Variants in MTUS2 observed in about 807,000 individuals in gnomAD.
The protein encoded by MTUS2 is microtubule-associated tumor suppressor candidate 2.
In MTUS2, 40 loss-of-function variants were observed where a neutral mutation model predicts 114.1. The observed-to-expected ratio is 0.35, with a 90% CI of 0.27 to 0.46. The LOEUF is 0.46. Ranked by LOEUF, MTUS2 falls within the 20% of genes least tolerant of loss-of-function variation. The pLI is 1.00. For synonymous variants in MTUS2, 688 were observed against 672.0 expected (o/e 1.02, Z -0.37); for missense variants, 1,679 against 1,705.4 (o/e 0.98, Z 0.27).
rs567286335 is a variant in MTUS2 at position 28,870,585 on chromosome 13, T to C, written c.-243+30735T>C. Among the ~76,000 whole-genome samples, 83 of 152,342 alleles carry C rather than the reference T, an allele frequency of 5.4e-4. 1 individual carries two copies. Among genetic ancestry groups the C allele is most frequent in the Non-Finnish European group, 1.8e-4 (12 of 68,034 alleles). ...TTGATTAGTTGATAATTATTTTGTTTGATTAAATTTGCAGTTGATCAGGTG... is the reference window on the plus strand; with the variant it reads ...TTGATTAGTTGATAATTATTTTGTTCGATTAAATTTGCAGTTGATCAGGTG... On this transcript the variant is annotated intron_variant, in intron 2 of 15. Transcript: ENST00000612955.
chr13:29,317,729 C>T (rs9506137), intron 6 of MTUS2, among the ~76,000 whole-genome samples: 22,843 of 146,614 alleles, frequency 0.16, 10,577 homozygotes, highest in Non-Finnish European at 0.24. Flanking sequence ...TGAGCCACCG[C>T]GCCCGGCCTC....
At chr13:28,883,496 A>C (rs1037675163) in intron 2 of MTUS2, among the ~76,000 whole-genome samples, 1 of 152,250 alleles carries the variant, frequency 6.6e-6, no homozygotes, top group African/African-American at 2.4e-5. Flanking sequence ...TACATGCAGC[A>C]ACTTGGATGG....
intron 8 of MTUS2, among the ~76,000 whole-genome samples, chr13:29,390,779 GA>G (rs1873384132): frequency 6.6e-6 from 1 of 150,540 alleles, no homozygotes; most frequent in Non-Finnish European, 1.5e-5. Flanking sequence ...TGATGATGAT[GA>G]TGATGATGAT....
chr13:29,308,356 C>T (rs1307431464), intron 6 of MTUS2, among the ~76,000 whole-genome samples: 1 of 152,070 alleles, frequency 6.6e-6, no homozygotes, highest in Non-Finnish European at 1.5e-5. Flanking sequence ...TAGCCATATG[C>T]AGAAAAACGA....
intron 5 of MTUS2, among the ~76,000 whole-genome samples, chr13:29,264,150 A>G (rs1036301596): frequency 3.9e-5 from 6 of 152,222 alleles, no homozygotes; most frequent in African/African-American, 9.6e-5. Context: ...GAAAGGGGCA[A>G]TAGGCCCCAC....
intron 9 of MTUS2, among the ~76,000 whole-genome samples, chr13:29,452,719 C>T (rs1381950012): frequency 2.6e-5 from 4 of 151,946 alleles, no homozygotes; most frequent in African/African-American, 9.7e-5. Context: ...GCTGGGATTA[C>T]AGATGTGAGC....
chr13:29,142,877 G>T (rs1341954998), intron 5 of MTUS2, among the ~76,000 whole-genome samples: 1 of 152,162 alleles, frequency 6.6e-6, no homozygotes, highest in Non-Finnish European at 1.5e-5. Context: ...ACTTGAAGGG[G>T]CAACATGTAC....
At chr13:28,959,851 T>A (rs1325744194) in intron 2 of MTUS2, among the ~76,000 whole-genome samples, 3 of 152,214 alleles carry the variant, frequency 2.0e-5, no homozygotes, top group African/African-American at 7.2e-5. Flanking sequence ...GTCCAAACCG[T>A]ATCACACCAC....
At chr13:28,896,781 G>T (rs2137938938) in intron 2 of MTUS2, among the ~76,000 whole-genome samples, 1 of 152,274 alleles carries the variant, frequency 6.6e-6, no homozygotes, top group South Asian at 2.1e-4. Context: ...TGACAAACCT[G>T]ACAAAAACAA....
chr13:29,117,620 G>A (rs1250417505), intron 5 of MTUS2, among the ~76,000 whole-genome samples: 2 of 152,154 alleles, frequency 1.3e-5, no homozygotes, highest in East Asian at 1.9e-4. Flanking sequence ...AAATAAGTGG[G>A]ACAGGAAAGC....
At chr13:29,400,844 C>T (rs1340623297) in intron 8 of MTUS2, among the ~76,000 whole-genome samples, 1 of 152,198 alleles carries the variant, frequency 6.6e-6, no homozygotes, top group African/African-American at 2.4e-5. Flanking sequence ...TTGCACTATG[C>T]TATTCCTCAA....
In MTUS2 at chr13:29,347,530, T is replaced by TTA. The variant is rs1868814854; in HGVS notation, c.2906-11732_2906-11731insTA. The stretch of plus-strand genomic sequence containing the variant: ...GGTTGGAGAACATACTTTGGATGAT[T>TTA]AAAAAAAAAACCCTATTCCTCTCCT... On this transcript the variant is annotated intron_variant, in intron 7 of 15. Coordinates refer to ENST00000612955, the MANE Select transcript of MTUS2 (RefSeq NM_001033602.4). 2.0e-5 allele frequency among the ~76,000 whole-genome samples: 3 copies of TTA among 148,994 alleles called. No homozygotes were observed. The East Asian group carries it at 5.9e-4, about 29-fold the overall frequency.
At position 29,390,149 on chromosome 13, in the gene MTUS2, T is replaced by C. The variant is rs373434490; in HGVS notation, c.3117+30676T>C. On this transcript the variant is annotated intron_variant, in intron 8 of 15. Transcript: ENST00000612955. ...AACATATATACTGACTATATATATATACACACACACACTTGTGTGTGTGTG... is the reference window on the plus strand; with the variant it reads ...AACATATATACTGACTATATATATACACACACACACACTTGTGTGTGTGTG... Among the ~76,000 whole-genome samples, 324 of 103,884 alleles carry C rather than the reference T, an allele frequency of 3.1e-3. 3 individuals are homozygous for C. Among genetic ancestry groups the C allele is most frequent in the South Asian group, 9.6e-3 (32 of 3,334 alleles). 68.2% of individuals were successfully genotyped at this position (103,884 alleles called of 152,430 possible). A position where few individuals can be genotyped will look rare whatever the true frequency, so the allele number is the denominator to read the frequency against.
chr13:29,154,976 T>A (rs1892799393), intron 5 of MTUS2, among the ~76,000 whole-genome samples: 1 of 152,190 alleles, frequency 6.6e-6, no homozygotes, highest in Non-Finnish European at 1.5e-5. Context: ...GAAGGTAAGT[T>A]TAACTGATGC....
intron 8 of MTUS2, among the ~76,000 whole-genome samples, chr13:29,410,347 G>C (rs1386038422): frequency 2.0e-5 from 3 of 152,034 alleles, no homozygotes; most frequent in African/African-American, 7.2e-5. Flanking sequence ...GGCTGGTCTT[G>C]AACTCCTGAC....
intron 5 of MTUS2, among the ~76,000 whole-genome samples, chr13:29,268,156 C>T (rs1038383953): frequency 1.3e-5 from 2 of 152,054 alleles, no homozygotes; most frequent in Admixed American, 6.5e-5. Flanking sequence ...TAGTTCCCCA[C>T]CCCCTGACAG....
At chr13:28,916,474 A>G (rs1320471068) in intron 2 of MTUS2, among the ~76,000 whole-genome samples, 4 of 151,638 alleles carry the variant, frequency 2.6e-5, no homozygotes, top group Non-Finnish European at 5.9e-5. Flanking sequence ...AATTTCTTTC[A>G]TCAGTGTTTT....
chr13:29,145,788 T>G (rs1269647303), intron 5 of MTUS2, among the ~76,000 whole-genome samples: 1 of 152,192 alleles, frequency 6.6e-6, no homozygotes, highest in East Asian at 1.9e-4. Flanking sequence ...TTTGCACACT[T>G]GTATTTCAGC....
chr13:29,407,336 G>C (rs9579368), intron 8 of MTUS2, among the ~76,000 whole-genome samples: 27,382 of 152,016 alleles, frequency 0.18, 2,696 homozygotes, highest in Middle Eastern at 0.26. Flanking sequence ...TTGTGCACCT[G>C]TGCAAAAGTT....
Sources: gnomAD v4.1 joint callset for allele counts (sites outside exome capture counted in the v4.1 genomes callset) on GRCh38, gnomAD v4.1.1 for gene constraint, MANE v1.5 for transcripts, NCBI Gene and HGNC (gene_info 2026-07-23, HGNC 2026-07-21) for gene names.